FAM184A: variants seen among roughly 807,000 people sequenced by gnomAD.
FAM184A encodes family with sequence similarity 184 member A.
FAM184A carries 99 observed loss-of-function variants against 143.8 expected under a neutral mutation model. The ratio of observed to expected loss-of-function variants is 0.69; its 90% CI spans 0.58 to 0.81. The LOEUF is 0.81. Ranked by LOEUF, FAM184A falls within the 40% of genes least tolerant of loss-of-function variation. The probability of loss-of-function intolerance (pLI) is 0.00; values close to 1 mark genes in which losing one functional copy is unlikely to be tolerated. For missense variants in FAM184A, 1,217 were observed against 1,310.5 expected (o/e 0.93, Z 1.10); for synonymous variants, 427 against 446.4 (o/e 0.96, Z 0.55).
At chr6:119,032,696 G>A (rs898679654) in intron 1 of FAM184A, among the ~76,000 whole-genome samples, 4 of 151,890 alleles carry the variant, frequency 2.6e-5, no homozygotes, top group African/African-American at 9.7e-5. Context: ...GAAAAAGGGT[G>A]GGAAAAGACT....
intron 1 of FAM184A, among the ~76,000 whole-genome samples, chr6:119,144,527 A>G (rs1772359231): frequency 6.6e-6 from 1 of 152,218 alleles, no homozygotes; most frequent in African/African-American, 2.4e-5. Flanking sequence ...TGTTAGAGTC[A>G]GCGTGGCTCA....
At chr6:119,105,107 A>G (rs1474680075) in intron 1 of FAM184A, among the ~76,000 whole-genome samples, 1 of 152,254 alleles carries the variant, frequency 6.6e-6, no homozygotes, top group Admixed American at 6.5e-5. Flanking sequence ...ATCCTGGAAC[A>G]GAAAAAGGAT....
intron 1 of FAM184A, among the ~76,000 whole-genome samples, chr6:119,110,942 C>G (rs528292857): frequency 1.3e-5 from 2 of 152,312 alleles, no homozygotes; most frequent in East Asian, 3.9e-4. Context: ...GCAGTTTAAA[C>G]TTGATATTCA....
At chr6:119,110,867 G>C (rs184339056) in intron 1 of FAM184A, among the ~76,000 whole-genome samples, 1 of 152,172 alleles carries the variant, frequency 6.6e-6, no homozygotes, top group Admixed American at 6.5e-5. Context: ...AAAATTTAAC[G>C]CAGTAAAAAA....
At chr6:119,020,896 G>C (rs1293051379) in intron 3 of FAM184A, among the ~76,000 whole-genome samples, 1 of 152,182 alleles carries the variant, frequency 6.6e-6, no homozygotes, top group East Asian at 1.9e-4. Context: ...GTAAGACACA[G>C]ATAAAGACAG....
At chr6:119,083,115 C>G (rs747994408), upstream of FAM184A, among the ~76,000 whole-genome samples, 4 of 152,192 alleles carry the variant, frequency 2.6e-5, no homozygotes, top group Non-Finnish European at 4.4e-5. Context: ...GAAGCAACAG[C>G]CTGAGCTGTA....
chr6:119,120,727 C>G (rs9489598), intron 1 of FAM184A, among the ~76,000 whole-genome samples: 5,727 of 151,882 alleles, frequency 0.038, 280 homozygotes, highest in African/African-American at 0.12. Context: ...AGTGGCAGAG[C>G]TGTTTCTATT....
chr6:119,004,377 AG>A, intron 7 of FAM184A, among the ~76,000 whole-genome samples: 1 of 152,314 alleles, frequency 6.6e-6, no homozygotes, highest in South Asian at 2.1e-4. Context: ...CAGTTTTTGA[AG>A]GGTATACCCA....
intron 1 of FAM184A, among the ~76,000 whole-genome samples, chr6:119,069,325 A>T (rs1475200890): frequency 6.6e-6 from 1 of 152,090 alleles, no homozygotes; most frequent in East Asian, 1.9e-4. Flanking sequence ...CTTCCTCCCA[A>T]AATTCACTAG....
In FAM184A at chr6:119,024,430, T is replaced by C. The variant is rs762846230; in HGVS notation, c.543A>G (p.Lys181=). The C allele has an allele frequency of 1.9e-6, 3 of 1,614,204 alleles. No homozygotes were observed. Among genetic ancestry groups the C allele is most frequent in the Non-Finnish European group, 2.5e-6 (3 of 1,180,050 alleles). Residue 181 remains lysine (K), a synonymous_variant, in exon 2 of 18, where the codon AAA becomes AAG. Coordinates refer to ENST00000338891, the MANE Select transcript of FAM184A (RefSeq NM_024581.6). ...SFGQLQVQFE[K]DKRLALEDLQ... is the part of the protein sequence containing the mutation. ...AGTCTTCCAATGCCAATCGTTTGTC[T>C]TTTTCAAACTGTACTTGAAGTTGTC...
At chr6:119,093,218 C>T (rs904917655) in intron 1 of FAM184A, among the ~76,000 whole-genome samples, 4 of 152,122 alleles carry the variant, frequency 2.6e-5, no homozygotes, top group Non-Finnish European at 5.9e-5. Flanking sequence ...AACAGTCAGG[C>T]GATTGGTCTC....
chr6:119,080,720 G>A (rs1788038598), upstream of FAM184A, among the ~76,000 whole-genome samples: 1 of 152,186 alleles, frequency 6.6e-6, no homozygotes, highest in African/African-American at 2.4e-5. Context: ...CAGTTCCTCT[G>A]AGTGTTGTGT....
intron 17 of FAM184A, chr6:118,960,777 G>C: frequency 7.3e-7 from 1 of 1,364,188 alleles, no homozygotes; most frequent in South Asian, 1.1e-5. Context: ...ACCGTCTTTG[G>C]GGAAAATTAC....
At chr6:118,983,056 T>C (rs1420534898) in intron 9 of FAM184A, among the ~76,000 whole-genome samples, 4 of 152,216 alleles carry the variant, frequency 2.6e-5, no homozygotes, top group African/African-American at 7.2e-5. Flanking sequence ...ACTTAGATAT[T>C]TTGTATTCTT....
At chr6:118,980,092 A>AT in intron 10 of FAM184A, 46 bp downstream of exon 10, 3 of 1,534,974 alleles carry the variant, frequency 2.0e-6, no homozygotes, top group Non-Finnish European at 2.7e-6. Context: ...ACTAATTATT[A>AT]TTAGGCAGTT....
At chr6:119,120,455 T>C (rs772180746) in intron 1 of FAM184A, among the ~76,000 whole-genome samples, 69 of 152,382 alleles carry the variant, frequency 4.5e-4, no homozygotes, top group Admixed American at 5.2e-4. Flanking sequence ...GCTATTATGC[T>C]GCCATCAGTA....
chr6:119,124,425 C>A (rs2114866290), intron 1 of FAM184A, among the ~76,000 whole-genome samples: 1 of 152,236 alleles, frequency 6.6e-6, no homozygotes, highest in East Asian at 1.9e-4. Flanking sequence ...TAAATCAAGG[C>A]AATAATGATT....
At chr6:119,121,803 C>T (rs1469239866) in intron 1 of FAM184A, among the ~76,000 whole-genome samples, 2 of 152,188 alleles carry the variant, frequency 1.3e-5, no homozygotes, top group African/African-American at 4.8e-5. Context: ...TCTGAACTGT[C>T]AGTTAAAAAG....
intron 1 of FAM184A, among the ~76,000 whole-genome samples, chr6:119,115,651 G>A (rs1175308412): frequency 6.6e-6 from 1 of 152,046 alleles, no homozygotes; most frequent in African/African-American, 2.4e-5. Flanking sequence ...TCCCAAGCTG[G>A]TTCAAATGGC....
Sources: allele counts gnomAD v4.1 joint callset (sites outside exome capture counted in the v4.1 genomes callset), GRCh38; gene constraint gnomAD v4.1.1; transcripts MANE v1.5; gene names NCBI Gene and HGNC (gene_info 2026-07-23, HGNC 2026-07-21).